The following RNF213 variants were observed in gnomAD, a reference collection of about 807,000 sequenced individuals.
The protein encoded by RNF213 is E3 ubiquitin-protein ligase RNF213.
RNF213 carries 341 observed loss-of-function variants against 514.4 expected under a neutral mutation model. That is an observed-to-expected ratio of 0.66 (90% CI 0.61 to 0.73). The LOEUF (loss-of-function observed/expected upper bound fraction) is 0.73, where lower values mean the gene tolerates loss of function less well. Ranked by LOEUF, RNF213 falls within the 30% of genes least tolerant of loss-of-function variation. RNF213 has a pLI of 0.00. For synonymous variants in RNF213, 2,655 were observed against 2,658.2 expected, an observed-to-expected ratio of 1.00 and a Z score of 0.04; for missense variants, 5,767 against 6,615.6, an observed-to-expected ratio of 0.87 and a Z score of 4.45.
At chr17:80,291,981 T>C in intron 8 of RNF213, 154 bp downstream of exon 8, 1 of 773,776 alleles carries the variant, frequency 1.3e-6, no homozygotes, top group African/African-American at 1.7e-5. Context: ...CCAGGTTCAG[T>C]GACACTGACT....
At position 80,281,192 on chromosome 17, in the gene RNF213, CCCACTCACA is replaced by C. The variant is rs376616464; in HGVS notation, c.262-6612_262-6604del. ...ACACATACCCTCCACACACACATAC[CCCACTCACA>C]CCACTCACACACACCCCCACACACA... On this transcript the variant is annotated intron_variant, in intron 3 of 67. Coordinates refer to ENST00000582970, the MANE Select transcript of RNF213 (RefSeq NM_001256071.3). Among the ~76,000 whole-genome samples the C allele has an allele frequency of 3.4e-4, 42 of 122,328 alleles. No individual in the cohort carries two copies. The East Asian group carries it at 6.8e-3, about 20-fold the overall frequency. 80.3% of individuals were successfully genotyped at this position (122,328 alleles called of 152,430 possible).
chr17:80,318,497 C>A (rs899321909), intron 16 of RNF213, among the ~76,000 whole-genome samples: 2 of 152,166 alleles, frequency 1.3e-5, no homozygotes, highest in African/African-American at 4.8e-5. Flanking sequence ...GGAGAACACA[C>A]AGACATGCCC....
At chr17:80,290,031 A>G (rs1346197773) in intron 6 of RNF213, among the ~76,000 whole-genome samples, 194 bp downstream of exon 6, 1 of 152,148 alleles carries the variant, frequency 6.6e-6, no homozygotes, top group African/African-American at 2.4e-5. Flanking sequence ...TTGTTTCCTA[A>G]TAGCCCCTGG....
At chr17:80,270,956 A>G (rs755821277) in intron 2 of RNF213, among the ~76,000 whole-genome samples, 8 of 152,150 alleles carry the variant, frequency 5.3e-5, no homozygotes, top group East Asian at 1.9e-4. Flanking sequence ...TCCAGGATGC[A>G]CTGAGTGGCA....
chr17:80,281,477 C>CTCA (rs1491436625), intron 3 of RNF213, among the ~76,000 whole-genome samples: 1 of 87,490 alleles, frequency 1.1e-5, no homozygotes, highest in Non-Finnish European at 2.6e-5. Context: ...CACTCACACA[C>CTCA]CCCCCAACAT....
chr17:80,306,369 C>T lies in RNF213; in HGVS notation c.2328C>T (p.Asn776=). The T allele has an allele frequency of 6.2e-7, 1 of 1,614,176 alleles. No individual in the cohort carries two copies. Among genetic ancestry groups the T allele is most frequent in the East Asian group, 2.2e-5 (1 of 44,888 alleles). ...PLSHLVMYME[N]FIEHLGRFPA... ...GTCACCTGGTTATGTATATGGAAAA[C>T]TTCATTGAGCACCTGGGTCGTTTTC... Residue 776 remains asparagine (N), a synonymous_variant, in exon 12 of 68, where the codon AAC becomes AAT. Coordinates refer to ENST00000582970, the MANE Select transcript of RNF213 (RefSeq NM_001256071.3).
Position 80,363,792 on chromosome 17 carries a change from T to G in RNF213, c.11750+2T>G. 1 of 1,612,570 alleles carries G rather than the reference T, an allele frequency of 6.2e-7. No homozygotes were observed. The highest frequency in any genetic ancestry group is 8.5e-7 in the Non-Finnish European group (1 of 1,179,878). ...CCAGGCTGTCATCAGGGAAGTCAGGTGAGACCCAGGAGCCCTCACCCACTG... is the reference window on the plus strand; with the variant it reads ...CCAGGCTGTCATCAGGGAAGTCAGGGGAGACCCAGGAGCCCTCACCCACTG... On this transcript the variant is annotated splice_donor_variant, in intron 41 of 67. Transcript: ENST00000582970. LOFTEE classifies it high-confidence loss of function.
chr17:80,261,948 C>T (rs539000371), intron 1 of RNF213, among the ~76,000 whole-genome samples: 23 of 152,272 alleles, frequency 1.5e-4, no homozygotes, highest in Admixed American at 5.2e-4. Context: ...GCCCGGGAGG[C>T]GGAGGTTGCA....
At position 80,358,488 on chromosome 17, in the gene RNF213, A is replaced by T. The variant is rs749264200; in HGVS notation, c.11054+9A>T. The T allele has an allele frequency of 5.6e-6, 9 of 1,611,198 alleles. 1 individual carries two copies. In the South Asian group the frequency reaches 7.7e-5, roughly 14 times the overall value. ...GTGATGAATAATGAAAGGTGAGTGG[A>T]AGGCTTTCTTTCCCTGGGGAGAGAA... On this transcript the variant is annotated intron_variant, in intron 37 of 67. Transcript: ENST00000582970.
chr17:80,272,704 T>C (rs1374212408), intron 2 of RNF213, among the ~76,000 whole-genome samples: 6 of 151,934 alleles, frequency 3.9e-5, no homozygotes, highest in African/African-American at 1.5e-4. Flanking sequence ...CTAGAGTGAG[T>C]GTGGGGCTGG....
chr17:80,338,845 G>A (rs2078064205), intron 25 of RNF213, among the ~76,000 whole-genome samples: 1 of 151,144 alleles, frequency 6.6e-6, no homozygotes, highest in Non-Finnish European at 1.5e-5. Context: ...CTGCTCCGGA[G>A]ACTGAGGCAG....
At chr17:80,368,473 C>G (rs986752485) in intron 44 of RNF213, among the ~76,000 whole-genome samples, 1 of 144,950 alleles carries the variant, frequency 6.9e-6, no homozygotes, top group East Asian at 2.0e-4. Context: ...CACTCTGTTG[C>G]CCAGGCTGGA....
At chr17:80,378,641 A>G (rs1017490195) in intron 54 of RNF213, among the ~76,000 whole-genome samples, 1 of 152,268 alleles carries the variant, frequency 6.6e-6, no homozygotes, top group Non-Finnish European at 1.5e-5. Context: ...AATAATGTAT[A>G]TAAGAGATAC....
chr17:80,304,639 C>CAAAT (rs531433807), intron 11 of RNF213, among the ~76,000 whole-genome samples: 313 of 151,342 alleles, frequency 2.1e-3, no homozygotes, highest in East Asian at 0.019. Context: ...GACTCCAACA[C>CAAAT]AAATAAATAA....
At chr17:80,275,998 C>T (rs1180725259) in intron 3 of RNF213, among the ~76,000 whole-genome samples, 2 of 149,794 alleles carry the variant, frequency 1.3e-5, no homozygotes, top group African/African-American at 4.9e-5. Context: ...CATGTTTTGG[C>T]TGTAGGTGTT....
rs2044911230 is a variant in RNF213 at position 80,295,635 on chromosome 17, G to A, written c.1834G>A (p.Val612Met). The A allele has an allele frequency of 1.9e-6, 3 of 1,613,990 alleles. No individual in the cohort carries two copies. The highest frequency in any genetic ancestry group is 1.7e-5 in the Admixed American group (1 of 59,984). The change falls in exon 10 of 68, where the codon GTG becomes ATG. Residue 612 changes from valine (V) to methionine (M), a missense_variant. Physicochemically the swap from Val to Met is conservative, Grantham distance 21. Around this residue, in one of 13 missense-constraint regions of RNF213, gnomAD observed 592 missense variants for 673.9 expected, o/e 0.88. Transcript: ENST00000582970. ...CGGAAAAAGCACGGACTTTTTGCCT[G>A]TGGACTGCCCAGTGAGGAGTAAACT... ...PDGKSTDFLP[V>M]DCPVRSKLKT...
At chr17:80,294,333 T>C (rs1246963692) in intron 8 of RNF213, among the ~76,000 whole-genome samples, 1 of 152,152 alleles carries the variant, frequency 6.6e-6, no homozygotes, top group Non-Finnish European at 1.5e-5. Flanking sequence ...CAGTGCTCAC[T>C]TGCTAGTGGG....
intron 8 of RNF213, 58 bp downstream of exon 8, chr17:80,291,885 C>A (rs116672724): frequency 6.4e-7 from 1 of 1,573,156 alleles, no homozygotes; most frequent in Non-Finnish European, 8.7e-7. Context: ...GCCAATCCCG[C>A]GGTACTGGAC....
chr17:80,337,584 A>G lies in RNF213; in HGVS notation c.4528-2A>G, dbSNP rs1241818772. On this transcript the variant is annotated splice_acceptor_variant, in intron 23 of 67. Coordinates refer to ENST00000582970, the MANE Select transcript of RNF213 (RefSeq NM_001256071.3). LOFTEE classifies it high-confidence loss of function. Reference sequence around the variant, plus strand: ...CCGTGTTCTCTCCTTTTGTCCCCATAGTGTGACTCCGCCAGGAACTTGGAA... The same window carrying G: ...CCGTGTTCTCTCCTTTTGTCCCCATGGTGTGACTCCGCCAGGAACTTGGAA... 1 of 1,537,144 alleles carries G rather than the reference A, an allele frequency of 6.5e-7. No individual in the cohort carries two copies. The highest frequency in any genetic ancestry group is 8.7e-7 in the Non-Finnish European group (1 of 1,146,914).
Sources: allele counts gnomAD v4.1 joint callset (sites outside exome capture counted in the v4.1 genomes callset), GRCh38; gene constraint gnomAD v4.1.1; regional missense constraint gnomAD v4.1.1; transcripts MANE v1.5; gene names NCBI Gene and HGNC (gene_info 2026-07-23, HGNC 2026-07-21).